SMG7: variants seen among roughly 807,000 people sequenced by gnomAD.
SMG7 encodes the protein nonsense-mediated mRNA decay factor SMG7.
A neutral mutation model predicts 148.2 loss-of-function variants in SMG7; 34 were observed. That is an observed-to-expected ratio of 0.23 (90% CI 0.17 to 0.31). The LOEUF (loss-of-function observed/expected upper bound fraction) is 0.31. Ranked by LOEUF, SMG7 falls within the 10% of genes least tolerant of loss-of-function variation. The pLI is 1.00. For missense variants in SMG7, 1,114 were observed against 1,408.4 expected (o/e 0.79, Z 3.35); for synonymous variants, 492 against 515.1 (o/e 0.96, Z 0.61).
At chr1:183,519,129 G>A (rs1664198290) in intron 4 of SMG7, among the ~76,000 whole-genome samples, 1 of 152,104 alleles carries the variant, frequency 6.6e-6, no homozygotes, top group African/African-American at 2.4e-5. Flanking sequence ...GGAGTTTGAG[G>A]CTGCAGTGAA....
chr1:183,550,716 G>T (rs749963532), intron 20 of SMG7, 35 bp from the exon 21 acceptor site: 2 of 1,602,420 alleles, frequency 1.2e-6, no homozygotes, highest in South Asian at 1.1e-5. Context: ...GTGAAACAAT[G>T]ATTTACTATA....
chr1:183,519,840 GTAT>G, intron 4 of SMG7, among the ~76,000 whole-genome samples: 1 of 152,144 alleles, frequency 6.6e-6, no homozygotes, highest in African/African-American at 2.4e-5. Flanking sequence ...CTCTAATACT[GTAT>G]TATTTCCTGA....
chr1:183,521,369 G>T (rs181184699), intron 4 of SMG7, among the ~76,000 whole-genome samples: 113 of 152,120 alleles, frequency 7.4e-4, no homozygotes, highest in Middle Eastern at 3.4e-3. Flanking sequence ...CTAAGTGCTG[G>T]GATTACAGGC....
chr1:183,486,433 C>T (rs1453704241), intron 1 of SMG7, among the ~76,000 whole-genome samples: 2 of 152,100 alleles, frequency 1.3e-5, no homozygotes, highest in East Asian at 3.8e-4. Flanking sequence ...TTGTGTGTGA[C>T]GGATTCTTAC....
intron 1 of SMG7, chr1:183,502,469 C>A: frequency 1.8e-6 from 2 of 1,124,068 alleles, no homozygotes; most frequent in Non-Finnish European, 2.4e-6. Context: ...TCTGTGAATA[C>A]TAATAAAATT....
At chr1:183,503,102 T>C (rs896032786) in intron 1 of SMG7, among the ~76,000 whole-genome samples, 11 of 152,352 alleles carry the variant, frequency 7.2e-5, no homozygotes, top group African/African-American at 1.7e-4. Flanking sequence ...TTCCTAGTTA[T>C]GTGACCTTGG....
intron 5 of SMG7, 128 bp downstream of exon 5, chr1:183,526,895 A>G (rs922872488): frequency 6.4e-5 from 46 of 723,142 alleles, no homozygotes; most frequent in Middle Eastern, 2.7e-4. Context: ...AAGAAACTAT[A>G]AAATGTATTC....
Position 183,529,552 on chromosome 1 carries a change from A to G in SMG7, c.843+19A>G. Reference sequence around the variant, plus strand: ...GTTTAAGGTTAGATTTCAGAAATAGAGAATTTTTGTCTTGTCTAAATCAGG... The same window carrying G: ...GTTTAAGGTTAGATTTCAGAAATAGGGAATTTTTGTCTTGTCTAAATCAGG... On this transcript the variant is annotated intron_variant, in intron 8 of 22. Coordinates refer to ENST00000688051, the MANE Select transcript of SMG7 (RefSeq NM_001375584.1). 1.2e-6 allele frequency: 2 copies of G among 1,600,424 alleles called. No homozygotes were observed. Among genetic ancestry groups the G allele is most frequent in the Non-Finnish European group, 1.7e-6 (2 of 1,173,904 alleles).
intron 1 of SMG7, chr1:183,473,853 A>G (rs567392126): frequency 3.0e-6 from 3 of 985,434 alleles, no homozygotes; most frequent in East Asian, 1.1e-4. Flanking sequence ...GTTTAGTGAC[A>G]TGAAAGTATT....
intron 1 of SMG7, among the ~76,000 whole-genome samples, chr1:183,490,952 A>G (rs773165322): frequency 3.3e-5 from 5 of 151,990 alleles, no homozygotes; most frequent in Admixed American, 6.6e-5. Context: ...TGCCTGGCTG[A>G]TTTTTATATT....
At chr1:183,494,029 C>T (rs1657755894) in intron 1 of SMG7, among the ~76,000 whole-genome samples, 1 of 151,802 alleles carries the variant, frequency 6.6e-6, no homozygotes, top group South Asian at 2.1e-4. Flanking sequence ...GCTCTGTTGC[C>T]CAGGCTGCAG....
chr1:183,533,728 G>A lies in SMG7; in HGVS notation c.1059G>A (p.Glu353=), dbSNP rs193052355. The A allele has an allele frequency of 6.2e-7, 1 of 1,613,172 alleles. No homozygotes were observed. Among genetic ancestry groups the A allele is most frequent in the East Asian group, 2.2e-5 (1 of 44,838 alleles). The change falls in exon 10 of 23, where the codon GAG becomes GAA. Residue 353 remains glutamate (E), a synonymous_variant. Transcript: ENST00000688051. ...GTCCTCTACAGAATGAGTCTCAGGA[G>A]GAGTCCTACAATGCCTATCCTCTTC... ...CKCPLQNESQ[E]ESYNAYPLPA...
At chr1:183,542,877 T>C (rs928273801) in intron 14 of SMG7, among the ~76,000 whole-genome samples, 1 of 151,816 alleles carries the variant, frequency 6.6e-6, no homozygotes, top group Non-Finnish European at 1.5e-5. Context: ...ACCAAGAGTA[T>C]ATTAAGGCTT....
At chr1:183,485,423 G>C (rs186844298) in intron 1 of SMG7, among the ~76,000 whole-genome samples, 44 of 152,240 alleles carry the variant, frequency 2.9e-4, no homozygotes, top group Non-Finnish European at 5.3e-4. Context: ...AACTTACTTA[G>C]GGGAGATAAG....
chr1:183,502,455 A>G (rs1659949347), intron 1 of SMG7: 1 of 1,306,394 alleles, frequency 7.7e-7, no homozygotes, highest in Admixed American at 2.3e-5. Flanking sequence ...TGTATTATTC[A>G]TACTCTGTGA....
intron 1 of SMG7, among the ~76,000 whole-genome samples, chr1:183,511,346 T>G (rs982943074): frequency 6.6e-6 from 1 of 152,154 alleles, no homozygotes; most frequent in African/African-American, 2.4e-5. Flanking sequence ...GAGCATAAAA[T>G]AGGATTATCC....
chr1:183,550,177 A>G (rs771255537), intron 20 of SMG7: 6 of 380,266 alleles, frequency 1.6e-5, no homozygotes, highest in Admixed American at 4.2e-5. Context: ...TAGAGGTTCT[A>G]TCTTATGGTT....
intron 13 of SMG7, among the ~76,000 whole-genome samples, chr1:183,541,585 G>C (rs1191838636): frequency 6.6e-6 from 1 of 152,160 alleles, no homozygotes; most frequent in African/African-American, 2.4e-5. Flanking sequence ...GAGTTCCGCA[G>C]CTTCTCAAGT....
Position 183,553,195 on chromosome 1 carries a change from A to C in SMG7, c.*1264A>C, listed in dbSNP as rs1671330955. The C allele has an allele frequency of 6.5e-7, 1 of 1,535,152 alleles. No individual in the cohort carries two copies. Among genetic ancestry groups the C allele is most frequent in the Admixed American group, 2.0e-5 (1 of 50,922 alleles). On this transcript the variant is annotated 3_prime_UTR_variant, in exon 23 of 23. Coordinates refer to ENST00000688051, the MANE Select transcript of SMG7 (RefSeq NM_001375584.1). ...CATTTTGGAAGAGACGAAAGAAAGG[A>C]AAATAAACTCTTTGTATGATATTTA...
Sources: gnomAD v4.1 joint callset for allele counts (sites outside exome capture counted in the v4.1 genomes callset) on GRCh38, gnomAD v4.1.1 for gene constraint, MANE v1.5 for transcripts, NCBI Gene and HGNC (gene_info 2026-07-23, HGNC 2026-07-21) for gene names.